CHERP: variants seen among roughly 807,000 people sequenced by gnomAD.
CHERP encodes calcium homeostasis endoplasmic reticulum protein.
A neutral mutation model predicts 113.8 loss-of-function variants in CHERP; 8 were observed. That is an observed-to-expected ratio of 0.07 (90% confidence interval 0.04 to 0.13). The LOEUF is 0.13. CHERP is among the 10% of genes least tolerant of loss of function. The pLI, the probability that CHERP is intolerant of heterozygous loss-of-function variation, is 1.00. For missense variants in CHERP, 884 were observed against 1,298.2 expected, an observed-to-expected ratio of 0.68 and a Z score of 4.90; for synonymous variants, 559 against 524.5, an observed-to-expected ratio of 1.07 and a Z score of -0.90.
chr19:16,522,613 T>C (rs567269511), intron 11 of CHERP, among the ~76,000 whole-genome samples: 2 of 152,198 alleles, frequency 1.3e-5, no homozygotes, highest in Admixed American at 1.3e-4. Context: ...CATCCCACAG[T>C]GGTACCAGCT....
chr19:16,536,469 A>C (rs2085742424), intron 2 of CHERP, among the ~76,000 whole-genome samples: 1 of 152,048 alleles, frequency 6.6e-6, no homozygotes. Flanking sequence ...CTCCAAGGGG[A>C]CCAGGACAAA....
chr19:16,533,771 C>G (rs1008933692), intron 3 of CHERP, among the ~76,000 whole-genome samples: 22 of 136,248 alleles, frequency 1.6e-4, no homozygotes, highest in African/African-American at 6.5e-4. Flanking sequence ...CTAACAACAA[C>G]AAAACAACAA....
At chr19:16,527,809 A>C (rs1285567727) in intron 9 of CHERP, among the ~76,000 whole-genome samples, 1 of 152,178 alleles carries the variant, frequency 6.6e-6, no homozygotes, top group African/African-American at 2.4e-5. Context: ...TGCAGCGTTA[A>C]ACTCCCCTGC....
At position 16,530,944 on chromosome 19, in the gene CHERP, C is replaced by G; in HGVS notation, c.675-64G>C. The G allele has an allele frequency of 6.3e-7, 1 of 1,580,880 alleles. No homozygotes were observed. The highest frequency in any genetic ancestry group is 8.6e-7 in the Non-Finnish European group (1 of 1,166,566). ...GCGGGACCCGGCCACGCGCCCGTTA[C>G]CATCGCGGCTCCAGCCTCAGCGCCC... On this transcript the variant is annotated intron_variant, in intron 5 of 16. Transcript: ENST00000546361. This position sits in a 1 kb window ranked among gnomAD's most constrained non-coding sequence, Gnocchi z 4.1.
chr19:16,519,806 G>T lies in CHERP; in HGVS notation c.2463-91C>A. 1 of 1,096,832 alleles carries T rather than the reference G, an allele frequency of 9.1e-7. No homozygotes were observed. Among genetic ancestry groups the T allele is most frequent in the South Asian group, 1.3e-5 (1 of 79,334 alleles). The allele number at this position is 1,096,832 out of a possible 1,614,324, so 67.9% of individuals were successfully genotyped here. ...AGGACCTCACAGCCGCAGCTTGCGT[G>T]CATGCTCACTGTCACCAGGTGACAC... is the stretch of plus-strand genomic sequence containing the variant. On this transcript the variant is annotated intron_variant, in intron 15 of 16. Coordinates refer to ENST00000546361, the MANE Select transcript of CHERP (RefSeq NM_006387.6). The surrounding 1 kb of genome is among the most constrained non-coding windows in gnomAD (Gnocchi z 6.0).
chr19:16,519,100 G>A lies in CHERP; in HGVS notation c.*59C>T. ...CACTGCAATCTTCCTCTGCCAGTCA[G>A]CCAGGAAGGTCCCACAGCCGGCACC... is the stretch of plus-strand genomic sequence containing the variant. On this transcript the variant is annotated 3_prime_UTR_variant, in exon 17 of 17. Coordinates refer to ENST00000546361, the MANE Select transcript of CHERP (RefSeq NM_006387.6). The surrounding 1 kb of genome is among the most constrained non-coding windows in gnomAD (Gnocchi z 6.0). 3 of 1,472,590 alleles carry A rather than the reference G, an allele frequency of 2.0e-6. No individual in the cohort carries two copies. The highest frequency in any genetic ancestry group is 1.2e-5 in the South Asian group (1 of 84,416). 91.2% of individuals were successfully genotyped at this position (1,472,590 alleles called of 1,614,324 possible).
In CHERP at chr19:16,521,511, G is replaced by T; in HGVS notation, c.2114+10C>A. 6.3e-7 allele frequency: 1 copy of T among 1,580,516 alleles called. No homozygotes were observed. Among genetic ancestry groups the T allele is most frequent in the Non-Finnish European group, 8.6e-7 (1 of 1,165,100 alleles). On this transcript the variant is annotated intron_variant, in intron 12 of 16. Coordinates refer to ENST00000546361, the MANE Select transcript of CHERP (RefSeq NM_006387.6). ...GCCTCCCGCCCACCCCACTGACCTG[G>T]GCCCCTTACCTGTTCCTGGGCCTGT...
intron 5 of CHERP, among the ~76,000 whole-genome samples, chr19:16,531,406 C>T (rs1305565518): frequency 6.6e-6 from 1 of 152,158 alleles, no homozygotes; most frequent in Non-Finnish European, 1.5e-5. Context: ...GGCGCCGGGC[C>T]CATGTCCTCT....
At position 16,519,134 on chromosome 19, in the gene CHERP, C is replaced by T. The variant is rs771816080; in HGVS notation, c.*25G>A. On this transcript the variant is annotated 3_prime_UTR_variant, in exon 17 of 17. Transcript: ENST00000546361. The surrounding 1 kb of genome is among the most constrained non-coding windows in gnomAD (Gnocchi z 6.0). ...GTCCCACAGCCGGCACCGCTGGCCA[C>T]CGGCGCGGCTCCCGGCATGGGCGCC... 2 of 1,601,076 alleles carry T rather than the reference C, an allele frequency of 1.2e-6. No homozygotes were observed. The highest frequency in any genetic ancestry group is 1.3e-5 in the African/African-American group (1 of 74,634).
intron 3 of CHERP, among the ~76,000 whole-genome samples, chr19:16,534,265 T>C (rs2085727066): frequency 6.6e-6 from 1 of 152,154 alleles, no homozygotes; most frequent in African/African-American, 2.4e-5. Context: ...TTGGCCATGC[T>C]GGTCTCAAAC....
intron 2 of CHERP, among the ~76,000 whole-genome samples, chr19:16,536,937 GC>G (rs2085745028): frequency 6.6e-6 from 1 of 152,202 alleles, no homozygotes; most frequent in Non-Finnish European, 1.5e-5. Context: ...GCTTGAGCTT[GC>G]AAGGTGGAGG....
Position 16,518,031 on chromosome 19 carries a change from T to C in CHERP, c.*1128A>G, listed in dbSNP as rs2085561640. 1 of 152,212 alleles carries C rather than the reference T, an allele frequency of 6.6e-6. No homozygotes were observed. The highest frequency in any genetic ancestry group is 6.5e-5 in the Admixed American group (1 of 15,276). The allele number at this position is 152,212 out of a possible 1,614,324, so 9.4% of individuals were successfully genotyped here. A position where few individuals can be genotyped will look rare whatever the true frequency, so the allele number is the denominator to read the frequency against. ...AGGAAATCTAGAACAAAATCAAATA[T>C]TCATCACGTTGGGTTGAAAAGTTGG... On this transcript the variant is annotated 3_prime_UTR_variant, in exon 17 of 17. Coordinates refer to ENST00000546361, the MANE Select transcript of CHERP (RefSeq NM_006387.6).
At position 16,532,766 on chromosome 19, in the gene CHERP, A is replaced by G. The variant is rs764801549; in HGVS notation, c.523-17T>C. Reference sequence around the variant, plus strand: ...CTTCCCGGCCTGCAACAACCGAGCCAATGACGAGTGAGCAGGGCCGCGGCT... The same window carrying G: ...CTTCCCGGCCTGCAACAACCGAGCCGATGACGAGTGAGCAGGGCCGCGGCT... On this transcript the variant is annotated splice_polypyrimidine_tract_variant and intron_variant, in intron 4 of 16. Transcript: ENST00000546361. This position sits in a 1 kb window ranked among gnomAD's most constrained non-coding sequence, Gnocchi z 4.4. 1.3e-5 allele frequency: 21 copies of G among 1,599,806 alleles called. No homozygotes were observed. The East Asian group carries it at 4.0e-4, about 31-fold the overall frequency.
chr19:16,529,568 G>A, intron 8 of CHERP, 80 bp downstream of exon 8: 2 of 1,473,894 alleles, frequency 1.4e-6, no homozygotes, highest in Non-Finnish European at 1.8e-6. Context: ...GAGGGTGGCA[G>A]ACTGCTTTCT....
rs889861788 is a variant in CHERP, at chr19:16,520,704, C to T, written c.2201+122G>A. The T allele has an allele frequency of 5.0e-6, 6 of 1,196,924 alleles. No homozygotes were observed. The highest frequency in any genetic ancestry group is 1.8e-5 in the Admixed American group (1 of 56,652). 74.1% of individuals were successfully genotyped at this position (1,196,924 alleles called of 1,614,324 possible). A position where few individuals can be genotyped will look rare whatever the true frequency, so the allele number is the denominator to read the frequency against. ...GTGTGAATTCAGGCCTTGTGGAAAA[C>T]ACCGCCCCATAGGCACAGGCTGTGT... On this transcript the variant is annotated intron_variant, in intron 13 of 16. Coordinates refer to ENST00000546361, the MANE Select transcript of CHERP (RefSeq NM_006387.6). This position sits in a 1 kb window ranked among gnomAD's most constrained non-coding sequence, Gnocchi z 4.0.
At position 16,535,671 on chromosome 19, in the gene CHERP, T is replaced by G. The variant is rs2085736800; in HGVS notation, c.200-35A>C. On this transcript the variant is annotated intron_variant, in intron 2 of 16. Transcript: ENST00000546361. This position sits in a 1 kb window ranked among gnomAD's most constrained non-coding sequence, Gnocchi z 4.3. ...GAGGAGGAGGGGTGCCCCATGAGAA[T>G]GCAGATGGGGGTCTAGGTGTCCCCT... The G allele has an allele frequency of 1.4e-6, 2 of 1,468,760 alleles. No homozygotes were observed. The highest frequency in any genetic ancestry group is 1.8e-6 in the Non-Finnish European group (2 of 1,112,302). 91.0% of individuals were successfully genotyped at this position (1,468,760 alleles called of 1,614,324 possible).
chr19:16,542,154 C>A, intron 1 of CHERP, 111 bp from the exon 2 acceptor site: 9 of 1,267,420 alleles, frequency 7.1e-6, no homozygotes, highest in Non-Finnish European at 9.7e-6. Flanking sequence ...GGGGGTGGGC[C>A]CCGAAGAGGC....
chr19:16,540,555 T>TA (rs1382978303), intron 2 of CHERP, among the ~76,000 whole-genome samples: 1 of 151,260 alleles, frequency 6.6e-6, no homozygotes, highest in Non-Finnish European at 1.5e-5. Context: ...GTAATTTTAG[T>TA]AGAGATAGGG....
intron 2 of CHERP, 25 bp downstream of exon 2, chr19:16,541,845 G>A (rs1406196897): frequency 4.4e-6 from 7 of 1,601,480 alleles, no homozygotes; most frequent in Non-Finnish European, 6.0e-6. Flanking sequence ...TCGATGGGAC[G>A]GCCTGAGTGC....
Sources: gnomAD v4.1 joint callset for allele counts (sites outside exome capture counted in the v4.1 genomes callset) on GRCh38, gnomAD v4.1.1 for gene constraint, Gnocchi (gnomAD v3.1) non-coding constraint, MANE v1.5 for transcripts, NCBI Gene and HGNC (gene_info 2026-07-23, HGNC 2026-07-21) for gene names.